The following KIAA1586 variants were observed in gnomAD, a reference collection of about 807,000 sequenced individuals.
KIAA1586 encodes the protein E3 SUMO-protein ligase KIAA1586.
KIAA1586 carries 5 observed loss-of-function variants against 6.1 expected under a neutral mutation model. That is an observed-to-expected ratio of 0.82 (90% CI 0.43 to 1.73). KIAA1586 has a LOEUF of 1.73. Among genes scored for constraint, KIAA1586 ranks in the 40% most tolerant of loss-of-function variants. The pLI is 0.02. For missense variants in KIAA1586, 899 were observed against 878.2 expected (o/e 1.02, Z -0.30); for synonymous variants, 280 against 301.7 (o/e 0.93, Z 0.75).
downstream of KIAA1586, among the ~76,000 whole-genome samples, chr6:57,056,795 C>T (rs997586486): frequency 6.6e-6 from 1 of 151,982 alleles, no homozygotes; most frequent in Non-Finnish European, 1.5e-5. Flanking sequence ...GCCTTGGCCT[C>T]CCAAAGTGCT....
chr6:57,050,734 G>C, intron 2 of KIAA1586, 40 bp from the exon 3 acceptor site: 1 of 1,342,586 alleles, frequency 7.4e-7, no homozygotes, highest in Non-Finnish European at 1.1e-6. Flanking sequence ...TAATTGGAAT[G>C]ATTGTTCATG....
At chr6:57,058,483 G>A (rs1011608619), downstream of KIAA1586, among the ~76,000 whole-genome samples, 2 of 152,114 alleles carry the variant, frequency 1.3e-5, no homozygotes, top group African/African-American at 4.8e-5. Flanking sequence ...AAAACTTACT[G>A]TACTGTTAAC....
chr6:57,057,581 C>A (rs1828516954), downstream of KIAA1586, among the ~76,000 whole-genome samples: 1 of 151,800 alleles, frequency 6.6e-6, no homozygotes, highest in Non-Finnish European at 1.5e-5. Flanking sequence ...AAGGTGAAAC[C>A]CCACCTCTAC....
In KIAA1586 at chr6:57,054,526, ATAAT is replaced by A. The variant is rs774440748; in HGVS notation, c.2028_2031del (p.Asn676LysfsTer3). 2.5e-6 allele frequency: 4 copies of A among 1,594,754 alleles called. No homozygotes were observed. In the South Asian group the frequency reaches 3.4e-5, roughly 14 times the overall value. Reference sequence around the variant, plus strand: ...TTGAATGATTTTCGGGAATTTGTAAATAATAATATAAAATCAAACAATGTTTCAA... The same window carrying A: ...TTGAATGATTTTCGGGAATTTGTAAAAATATAAAATCAAACAATGTTTCAA... On this transcript the variant is annotated frameshift_variant, in exon 4 of 4. Coordinates refer to ENST00000370733, the MANE Select transcript of KIAA1586 (RefSeq NM_020931.4). LOFTEE classifies it low-confidence loss of function (END_TRUNC).
chr6:57,052,970 T>A lies in KIAA1586; in HGVS notation c.471T>A (p.Gly157=). 6.2e-7 allele frequency: 1 copy of A among 1,613,704 alleles called. No individual in the cohort carries two copies. The highest frequency in any genetic ancestry group is 1.1e-5 in the South Asian group (1 of 91,068). ...ACAAATGGCTTGAAATAAAAGAAGG[T>A]AAATTAGGATGTAAGGATTGTTCAG... ...EQYKWLEIKE[G]KLGCKDCSAV... Residue 157 remains glycine (G), a synonymous_variant, in exon 4 of 4, where the codon GGT becomes GGA. Coordinates refer to ENST00000370733, the MANE Select transcript of KIAA1586 (RefSeq NM_020931.4).
chr6:57,056,779 C>G (rs182053820), downstream of KIAA1586, among the ~76,000 whole-genome samples: 2 of 152,056 alleles, frequency 1.3e-5, 1 homozygote, highest in Admixed American at 1.3e-4. Flanking sequence ...CTCAAACAGC[C>G]TTCCTGCCTT....
At chr6:57,059,599 A>AAAG (rs1021578869), downstream of KIAA1586, among the ~76,000 whole-genome samples, 1 of 151,446 alleles carries the variant, frequency 6.6e-6, no homozygotes, top group Non-Finnish European at 1.5e-5. Context: ...AAAAAAAAAA[A>AAAG]AAAATAGAAT....
Position 57,053,498 on chromosome 6 carries a change from T to G in KIAA1586, c.999T>G (p.Tyr333Ter), listed in dbSNP as rs1020105172. The G allele has an allele frequency of 6.2e-7, 1 of 1,613,568 alleles. No homozygotes were observed. The highest frequency in any genetic ancestry group is 1.3e-5 in the African/African-American group (1 of 75,050). ...TVSKKTTLVI[Y>*]LQCTIQSAPA... is the part of the protein sequence containing the mutation. ...CAAAGAAAACCACCCTAGTGATTTA[T>G]CTCCAGTGCACAATTCAGTCAGCTC... Residue 333 changes from tyrosine to a stop codon, truncating the protein, a stop_gained, in exon 4 of 4, where the codon TAT (tyrosine) becomes TAG (stop). Coordinates refer to ENST00000370733, the MANE Select transcript of KIAA1586 (RefSeq NM_020931.4). LOFTEE classifies it low-confidence loss of function (END_TRUNC).
chr6:57,055,835 T>G (rs902077226), downstream of KIAA1586, among the ~76,000 whole-genome samples: 1 of 152,184 alleles, frequency 6.6e-6, no homozygotes, highest in Admixed American at 6.5e-5. Flanking sequence ...CAATTGCAGT[T>G]TGCTGTGGCA....
At position 57,054,745 on chromosome 6, in the gene KIAA1586, C is replaced by T; in HGVS notation, c.2246C>T (p.Thr749Ile). Residue 749 changes from threonine to isoleucine, a missense_variant, in exon 4 of 4, where the codon ACA (threonine) becomes ATA (isoleucine). Transcript: ENST00000370733. ...AAAGAATTAGCAGATTGGGATGCAA[C>T]ACCGTTTGTAAAATCTTGGTCAAAT... ...LGKELADWDA[T>I]PFVKSWSNCN... The T allele has an allele frequency of 6.4e-7, 1 of 1,551,314 alleles. No individual in the cohort carries two copies. The highest frequency in any genetic ancestry group is 8.7e-7 in the Non-Finnish European group (1 of 1,146,792).
the KIAA1586 span, among the ~76,000 whole-genome samples, chr6:57,063,315 T>G: frequency 6.6e-6 from 1 of 152,128 alleles, no homozygotes; most frequent in Non-Finnish European, 1.5e-5. Context: ...AGTATTTGTG[T>G]GTGGAAGGGA....
In KIAA1586 at chr6:57,054,443, G is replaced by C; in HGVS notation, c.1944G>C (p.Trp648Cys). ...CTTATGAAGAAATAACTTCACCATG[G>C]ATAGCTGGTGAAAAAACATTATTTC... The part of the protein sequence containing the change: ...TWPYEEITSP[W>C]IAGEKTLFHL... Residue 648 changes from tryptophan (W) to cysteine (C), a missense_variant, in exon 4 of 4, where the codon TGG becomes TGC. By Grantham distance (215) the Trp-to-Cys change is radical. Transcript: ENST00000370733. 1 of 1,606,576 alleles carries C rather than the reference G, an allele frequency of 6.2e-7. No homozygotes were observed. The highest frequency in any genetic ancestry group is 8.5e-7 in the Non-Finnish European group (1 of 1,176,784).
Position 57,051,000 on chromosome 6 carries a change from CGGT to C in KIAA1586, c.186+147_186+149del, listed in dbSNP as rs1562569683. 1,157 of 546,418 alleles carry C rather than the reference CGGT, an allele frequency of 2.1e-3. 13 individuals carry two copies. The African/African-American group carries it at 0.021, about 10-fold the overall frequency. The allele number at this position is 546,418 out of a possible 1,614,324, so 33.8% of individuals were successfully genotyped here. On this transcript the variant is annotated intron_variant, in intron 3 of 3. Coordinates refer to ENST00000370733, the MANE Select transcript of KIAA1586 (RefSeq NM_020931.4). ...ATCCCAGCACTTTGGGAGGCCGAGG[CGGT>C]TGGATCACTTGAGGCCAGGAGTTCG...
downstream of KIAA1586, among the ~76,000 whole-genome samples, chr6:57,057,520 C>T (rs772342542): frequency 1.2e-4 from 18 of 152,054 alleles, no homozygotes; most frequent in African/African-American, 3.9e-4. Context: ...TATGGGAGGC[C>T]GAGGCAGGTG....
At position 57,054,086 on chromosome 6, in the gene KIAA1586, G is replaced by A; in HGVS notation, c.1587G>A (p.Met529Ile). 1.2e-6 allele frequency: 2 copies of A among 1,610,488 alleles called. No individual in the cohort carries two copies. Among genetic ancestry groups the A allele is most frequent in the South Asian group, 2.2e-5 (2 of 90,380 alleles). ...NINFLQDLAL[M>I]IDILEEFSVL... ...ATTTCTTACAAGACCTTGCTTTAATGATTGACATTCTTGAAGAATTTTCAG... is the reference window on the plus strand; with the variant it reads ...ATTTCTTACAAGACCTTGCTTTAATAATTGACATTCTTGAAGAATTTTCAG... The change falls in exon 4 of 4, where the codon ATG (methionine) becomes ATA (isoleucine). Residue 529 changes from methionine to isoleucine, a missense_variant. Physicochemically the swap from Met to Ile is conservative, Grantham distance 10. Coordinates refer to ENST00000370733, the MANE Select transcript of KIAA1586 (RefSeq NM_020931.4).
chr6:57,050,246 GT>G lies in KIAA1586; in HGVS notation c.106-515del, dbSNP rs556699974. 5.4e-4 allele frequency among the ~76,000 whole-genome samples: 69 copies of G among 128,798 alleles called. 1 individual carries two copies. The highest frequency in any genetic ancestry group is 1.8e-3 in the Admixed American group (24 of 13,086). 84.5% of individuals were successfully genotyped at this position (128,798 alleles called of 152,430 possible). ...GCTCTTTGGGTTTTGTCATTATTAT[GT>G]TTTTTTTTTTTTCCTTTTTACTAGC... On this transcript the variant is annotated intron_variant, in intron 2 of 3. Transcript: ENST00000370733.
At chr6:57,061,271 C>T in the KIAA1586 span, among the ~76,000 whole-genome samples, 380 of 152,254 alleles carry the variant, frequency 2.5e-3, 2 homozygotes, top group African/African-American at 8.6e-3. Flanking sequence ...CCACCGCGCC[C>T]GGCCATGTTC....
At chr6:57,065,389 C>T in the KIAA1586 span, among the ~76,000 whole-genome samples, 1 of 152,068 alleles carries the variant, frequency 6.6e-6, no homozygotes, top group Admixed American at 6.5e-5. Context: ...CTCTGATTCT[C>T]ATTTTATTCA....
downstream of KIAA1586, among the ~76,000 whole-genome samples, chr6:57,057,154 G>A (rs532880307): frequency 5.3e-5 from 8 of 151,990 alleles, no homozygotes; most frequent in East Asian, 1.2e-3. Flanking sequence ...CTTGAACACA[G>A]GAGGCGGAGG....
Sources: allele counts gnomAD v4.1 joint callset (sites outside exome capture counted in the v4.1 genomes callset), GRCh38; gene constraint gnomAD v4.1.1; transcripts MANE v1.5; gene names NCBI Gene and HGNC (gene_info 2026-07-23, HGNC 2026-07-21).